Variants in RSPH1 observed in about 807,000 individuals in gnomAD.
RSPH1 encodes the protein radial spoke head 1 homolog.
Under a neutral mutation model 44.2 loss-of-function variants are expected in RSPH1, and 32 were observed. The observed-to-expected ratio is 0.72, with a 90% CI of 0.55 to 0.97. The LOEUF (loss-of-function observed/expected upper bound fraction) is 0.97, where lower values mean the gene tolerates loss of function less well. RSPH1 is among the 50% of genes least tolerant of loss of function. The pLI, the probability that RSPH1 is intolerant of heterozygous loss-of-function variation, is 0.00. For missense variants in RSPH1, 391 were observed against 398.7 expected (o/e 0.98, Z 0.16); for synonymous variants, 134 against 147.3 (o/e 0.91, Z 0.65).
rs1288523582 is a variant in RSPH1 at position 42,492,998 on chromosome 21, C to T, written c.136G>A (p.Gly46Arg). Reference protein sequence around the residue: ...ARLPNGDTYEGSYEFGKRHGQ... With the variant: ...ARLPNGDTYERSYEFGKRHGQ... Reference sequence around the variant, plus strand: ...TGTCTTTTACCGAATTCGTAGCTCCCTTCGTAGGTGTCCCCGTTGGGTAGC... The same window carrying T: ...TGTCTTTTACCGAATTCGTAGCTCCTTTCGTAGGTGTCCCCGTTGGGTAGC... Residue 46 changes from glycine to arginine, a missense_variant, in exon 2 of 9, where the codon GGG becomes AGG. Physicochemically the swap from Gly to Arg is moderately radical, Grantham distance 125. Coordinates refer to ENST00000291536, the MANE Select transcript of RSPH1 (RefSeq NM_080860.4). The T allele has an allele frequency of 6.2e-7, 1 of 1,614,244 alleles. No individual in the cohort carries two copies. The highest frequency in any genetic ancestry group is 1.1e-5 in the South Asian group (1 of 91,090).
At chr21:42,477,746 T>C (rs1464226315) in intron 6 of RSPH1, among the ~76,000 whole-genome samples, 1 of 152,226 alleles carries the variant, frequency 6.6e-6, no homozygotes. Flanking sequence ...TCGCCTGCAA[T>C]AGCTAAGACA....
At chr21:42,472,903 A>C in intron 8 of RSPH1, 33 bp from the exon 9 acceptor site, 147 of 1,474,828 alleles carry the variant, frequency 1.0e-4, no homozygotes, top group Non-Finnish European at 1.3e-4. Flanking sequence ...AGTATATCTC[A>C]TATTTACTTT....
intron 3 of RSPH1, among the ~76,000 whole-genome samples, chr21:42,488,012 G>A (rs943956826): frequency 6.6e-6 from 1 of 152,190 alleles, no homozygotes; most frequent in Non-Finnish European, 1.5e-5. Context: ...GACAGGGAAG[G>A]CAGCACGAAA....
chr21:42,472,741 C>G lies in RSPH1; in HGVS notation c.*77G>C, dbSNP rs894563772. On this transcript the variant is annotated 3_prime_UTR_variant, in exon 9 of 9. Coordinates refer to ENST00000291536, the MANE Select transcript of RSPH1 (RefSeq NM_080860.4). ...GCCTCAGCCTCTCAAGTAGCTGGAA[C>G]TAGATACACACAGCACTGCACCCGG... The G allele has an allele frequency of 2.5e-5, 28 of 1,111,258 alleles. 1 individual carries two copies. Among genetic ancestry groups the G allele is most frequent in the Non-Finnish European group, 3.6e-5 (27 of 750,278 alleles). The allele number at this position is 1,111,258 out of a possible 1,614,324, so 68.8% of individuals were successfully genotyped here.
intron 5 of RSPH1, among the ~76,000 whole-genome samples, chr21:42,483,113 G>T (rs1391013900): frequency 6.6e-6 from 1 of 152,040 alleles, no homozygotes; most frequent in Admixed American, 6.6e-5. Context: ...GAGAAATATG[G>T]CATGAACTAC....
chr21:42,493,188 C>T (rs1454719041), intron 1 of RSPH1, 109 bp from the exon 2 acceptor site: 1 of 889,830 alleles, frequency 1.1e-6, no homozygotes, highest in East Asian at 2.4e-5. Flanking sequence ...ATGCTAAACC[C>T]CCGGCACTAT....
chr21:42,472,552 A>C lies in RSPH1; in HGVS notation c.*266T>G. 3.3e-6 allele frequency: 1 copy of C among 302,436 alleles called. No individual in the cohort carries two copies. Among genetic ancestry groups the C allele is most frequent in the Non-Finnish European group, 6.0e-6 (1 of 165,548 alleles). The allele number at this position is 302,436 out of a possible 1,614,324, so 18.7% of individuals were successfully genotyped here. A position where few individuals can be genotyped will look rare whatever the true frequency, so the allele number is the denominator to read the frequency against. On this transcript the variant is annotated 3_prime_UTR_variant, in exon 9 of 9. Transcript: ENST00000291536. ...TCAATCAACTTAACATACAGCTGAG[A>C]AAGAAAGACTAAAAACCCTCTAATA...
intron 8 of RSPH1, among the ~76,000 whole-genome samples, chr21:42,473,395 G>T (rs2054013135): frequency 6.6e-6 from 1 of 151,730 alleles, no homozygotes; most frequent in African/African-American, 2.4e-5. Flanking sequence ...GGAGGCTGAG[G>T]CAAGAGAATC....
intron 8 of RSPH1, among the ~76,000 whole-genome samples, chr21:42,473,599 T>A (rs988047309): frequency 1.3e-5 from 2 of 152,130 alleles, no homozygotes; most frequent in Admixed American, 1.3e-4. Context: ...ACTCTATAAC[T>A]TTCACTGTTG....
intron 6 of RSPH1, among the ~76,000 whole-genome samples, chr21:42,479,291 C>A (rs570158163): frequency 1.3e-5 from 2 of 152,268 alleles, no homozygotes; most frequent in Admixed American, 1.3e-4. Flanking sequence ...CAGTGGGAGG[C>A]CTTCCACAAA....
At chr21:42,484,681 A>G (rs2054160930) in intron 5 of RSPH1, 1 of 152,054 alleles carries the variant, frequency 6.6e-6, no homozygotes, top group Admixed American at 6.6e-5. Context: ...TTTTACCCCG[A>G]TTTTTCAGAC....
intron 2 of RSPH1, 25 bp downstream of exon 2, chr21:42,492,941 A>G (rs2054250454): frequency 1.2e-6 from 2 of 1,604,662 alleles, no homozygotes; most frequent in African/African-American, 1.3e-5. Context: ...AGAGAAAACC[A>G]TCCAGTCAAG....
At chr21:42,476,814 G>A (rs950897996) in intron 7 of RSPH1, among the ~76,000 whole-genome samples, 12 of 152,084 alleles carry the variant, frequency 7.9e-5, no homozygotes, top group Non-Finnish European at 1.5e-4. Context: ...TCCGCTCTCC[G>A]GGAGTGTCCT....
At chr21:42,481,847 C>A (rs934665799) in intron 6 of RSPH1, among the ~76,000 whole-genome samples, 3 of 152,128 alleles carry the variant, frequency 2.0e-5, no homozygotes, top group African/African-American at 7.2e-5. Context: ...AGCTGACTAG[C>A]TTTACTATTA....
chr21:42,482,320 G>A (rs1226893982), intron 6 of RSPH1, among the ~76,000 whole-genome samples: 1 of 152,156 alleles, frequency 6.6e-6, no homozygotes, highest in Non-Finnish European at 1.5e-5. Context: ...CTGACCTAAA[G>A]CAATCCACCG....
rs2054022546 is a variant in RSPH1, at chr21:42,474,370, A to G, written c.878-1500T>C. On this transcript the variant is annotated intron_variant, in intron 8 of 8. Transcript: ENST00000291536. The surrounding 1 kb of genome is among the most constrained non-coding windows in gnomAD (Gnocchi z 5.2). ...GAGTTTCCTGGTCCTGCCCCAGGTG[A>G]GTCATCACCTCTCCTGGGTACATGG... 6.6e-6 allele frequency among the ~76,000 whole-genome samples: 1 copy of G among 152,128 alleles called. No homozygotes were observed. The highest frequency in any genetic ancestry group is 6.5e-5 in the Admixed American group (1 of 15,282).
In RSPH1 at chr21:42,496,027, T is replaced by C. The variant is rs532279104; in HGVS notation, c.54+106A>G. The stretch of plus-strand genomic sequence containing the variant: ...CCCTGCCGGGGATCCTGGGGAGCTG[T>C]GGCTCAGACCTCTGGTTTCTGCGCC... On this transcript the variant is annotated intron_variant, in intron 1 of 8. Coordinates refer to ENST00000291536, the MANE Select transcript of RSPH1 (RefSeq NM_080860.4). The C allele has an allele frequency of 1.5e-5, 19 of 1,292,424 alleles. No homozygotes were observed. The South Asian group carries it at 2.0e-4, about 14-fold the overall frequency. 80.1% of individuals were successfully genotyped at this position (1,292,424 alleles called of 1,614,324 possible).
intron 6 of RSPH1, among the ~76,000 whole-genome samples, chr21:42,479,259 A>T (rs1204168820): frequency 1.3e-5 from 2 of 152,176 alleles, no homozygotes; most frequent in African/African-American, 4.8e-5. Flanking sequence ...TTCCACCACC[A>T]TCCTAATCCA....
chr21:42,485,926 C>T (rs138304139), intron 4 of RSPH1, 122 bp from the exon 5 acceptor site: 19 of 1,221,538 alleles, frequency 1.6e-5, no homozygotes, highest in African/African-American at 1.3e-4. Context: ...AGCGATGTAG[C>T]TTCTATATCT....
Sources: allele counts gnomAD v4.1 joint callset (sites outside exome capture counted in the v4.1 genomes callset), GRCh38; gene constraint gnomAD v4.1.1; non-coding constraint Gnocchi (gnomAD v3.1); transcripts MANE v1.5; gene names NCBI Gene and HGNC (gene_info 2026-07-23, HGNC 2026-07-21).